MED23: variants seen among roughly 807,000 people sequenced by gnomAD.
The protein encoded by MED23 is mediator of RNA polymerase II transcription subunit 23.
A neutral mutation model predicts 163.9 loss-of-function variants in MED23; 105 were observed. That is an observed-to-expected ratio of 0.64 (90% CI 0.55 to 0.75). The LOEUF (loss-of-function observed/expected upper bound fraction) is 0.75, where lower values mean the gene tolerates loss of function less well. Among genes scored for constraint, MED23 ranks in the 30% least tolerant of loss-of-function variants. The pLI is 0.00. For missense variants in MED23, 1,054 were observed against 1,649.0 expected (o/e 0.64, Z 6.25); for synonymous variants, 561 against 565.6 (o/e 0.99, Z 0.12).
rs746420372 is a variant in MED23 at position 131,590,341 on chromosome 6, C to T, written c.3788G>A (p.Arg1263Lys). Residue 1263 changes from arginine (R) to lysine (K), a missense_variant, in exon 27 of 29, where the codon AGA (arginine) becomes AAA (lysine). Physicochemically the swap from Arg to Lys is conservative, Grantham distance 26. This residue lies in a region of MED23 where 362 missense variants were observed against 471.6 expected (regional missense o/e 0.77). Transcript: ENST00000368068. ...TTTTACCTCTATCATACAACGAGTT[C>T]TCTCTTGCTGAAATCTTTGTAAAAA... ...GPFLQRFQQE[R>K]TRCMIEIGVA... 5.6e-6 allele frequency: 9 copies of T among 1,612,662 alleles called. No individual in the cohort carries two copies. The highest frequency in any genetic ancestry group is 6.8e-6 in the Non-Finnish European group (8 of 1,178,980).
chr6:131,605,481 G>A lies in MED23; in HGVS notation c.1372C>T (p.Leu458=). The A allele has an allele frequency of 1.3e-6, 2 of 1,579,628 alleles. No individual in the cohort carries two copies. Among genetic ancestry groups the A allele is most frequent in the East Asian group, 2.3e-5 (1 of 44,136 alleles). ...CTTTTATTTCTTAGACTCTGCTGCAGGAACCTAAATATTCACGTTCCATTA... is the reference window on the plus strand; with the variant it reads ...CTTTTATTTCTTAGACTCTGCTGCAAGAACCTAAATATTCACGTTCCATTA... ...PHSLRLHHEF[L]QQSLRNKSLQ... The change falls in exon 14 of 29, where the codon CTG becomes TTG. Residue 458 remains leucine (L), a synonymous_variant. Transcript: ENST00000368068.
At chr6:131,623,853 T>C (rs147453607) in intron 4 of MED23, among the ~76,000 whole-genome samples, 46 of 152,338 alleles carry the variant, frequency 3.0e-4, no homozygotes, top group Admixed American at 9.2e-4. Flanking sequence ...TATATCTTTG[T>C]TAGCAGCATC....
chr6:131,594,346 A>G lies in MED23; in HGVS notation c.2996-11T>C, dbSNP rs368610509. 1.9e-6 allele frequency: 3 copies of G among 1,579,592 alleles called. No individual in the cohort carries two copies. The highest frequency in any genetic ancestry group is 2.6e-6 in the Non-Finnish European group (3 of 1,148,550). On this transcript the variant is annotated splice_polypyrimidine_tract_variant and intron_variant, in intron 22 of 28. Transcript: ENST00000368068. Reference sequence around the variant, plus strand: ...AAGTCACTGGACGATCTGCCAAGAAAAAAACATACCACCACAATGTTTAAC... The same window carrying G: ...AAGTCACTGGACGATCTGCCAAGAAGAAAACATACCACCACAATGTTTAAC...
At position 131,598,896 on chromosome 6, in the gene MED23, G is replaced by T; in HGVS notation, c.2221-135C>A. Reference sequence around the variant, plus strand: ...CACCTTGAGCAACTCAGCAATTAAGGCCTGAATTTCTGTGTCTGGAAAATA... The same window carrying T: ...CACCTTGAGCAACTCAGCAATTAAGTCCTGAATTTCTGTGTCTGGAAAATA... On this transcript the variant is annotated intron_variant, in intron 18 of 28. Transcript: ENST00000368068. This position sits in a 1 kb window ranked among gnomAD's most constrained non-coding sequence, Gnocchi z 4.7. 1 of 760,224 alleles carries T rather than the reference G, an allele frequency of 1.3e-6. No individual in the cohort carries two copies. Among genetic ancestry groups the T allele is most frequent in the Non-Finnish European group, 2.3e-6 (1 of 444,130 alleles). The allele number at this position is 760,224 out of a possible 1,614,324, so 47.1% of individuals were successfully genotyped here. A position where few individuals can be genotyped will look rare whatever the true frequency, so the allele number is the denominator to read the frequency against.
At chr6:131,615,232 C>T (rs1156675679) in intron 10 of MED23, 10 of 1,468,290 alleles carry the variant, frequency 6.8e-6, no homozygotes, top group East Asian at 2.3e-5. Flanking sequence ...TTTCAAGCCC[C>T]GACCATACAC....
chr6:131,607,200 G>GA (rs1775916603), intron 12 of MED23, among the ~76,000 whole-genome samples: 3 of 151,354 alleles, frequency 2.0e-5, no homozygotes, highest in African/African-American at 7.3e-5. Flanking sequence ...GTATAACATG[G>GA]TGGGGTTACA....
At chr6:131,581,301 A>C (rs1773911841) in intron 30 of MED23, 2 of 1,613,780 alleles carry the variant, frequency 1.2e-6, no homozygotes, top group African/African-American at 2.7e-5. Flanking sequence ...CACTGATATC[A>C]ACACTCCACT....
chr6:131,588,875 C>T (rs1426080526), intron 28 of MED23, among the ~76,000 whole-genome samples: 1 of 152,156 alleles, frequency 6.6e-6, no homozygotes, highest in Non-Finnish European at 1.5e-5. Flanking sequence ...TACCAGAATT[C>T]ATACACCCTC....
chr6:131,574,912 C>A (rs1231047866), intron 30 of MED23, among the ~76,000 whole-genome samples: 1 of 152,174 alleles, frequency 6.6e-6, no homozygotes, highest in Non-Finnish European at 1.5e-5. Context: ...TAATTCCAGA[C>A]AAGATAATCT....
downstream of MED23, among the ~76,000 whole-genome samples, chr6:131,585,256 G>A (rs767042074): frequency 4.9e-4 from 75 of 152,208 alleles, 1 homozygote; most frequent in Middle Eastern, 3.4e-3. Flanking sequence ...ATCAAAACAA[G>A]GGAAGCAAAG....
At chr6:131,609,970 T>G in intron 11 of MED23, 76 bp downstream of exon 11, 1 of 1,367,382 alleles carries the variant, frequency 7.3e-7, no homozygotes, top group South Asian at 1.2e-5. Context: ...CTAAAATCAC[T>G]AGGGAATGCC....
intron 30 of MED23, among the ~76,000 whole-genome samples, chr6:131,578,069 T>C (rs1261144898): frequency 6.6e-6 from 1 of 151,688 alleles, no homozygotes; most frequent in Non-Finnish European, 1.5e-5. Flanking sequence ...CAGCAGTTCC[T>C]GGGGTTGGGG....
At chr6:131,589,860 T>C (rs1457272186) in intron 27 of MED23, among the ~76,000 whole-genome samples, 4 of 152,224 alleles carry the variant, frequency 2.6e-5, no homozygotes, top group African/African-American at 7.2e-5. Context: ...AATCAAGAGA[T>C]AAACAATCCC....
At chr6:131,600,383 A>G (rs1003091189) in intron 17 of MED23, among the ~76,000 whole-genome samples, 8 of 152,208 alleles carry the variant, frequency 5.3e-5, no homozygotes, top group African/African-American at 1.9e-4. Flanking sequence ...AAAGATGACA[A>G]AAGACATTTG....
At chr6:131,581,276 C>G in intron 30 of MED23, 2 of 1,613,932 alleles carry the variant, frequency 1.2e-6, no homozygotes, top group Non-Finnish European at 1.7e-6. Flanking sequence ...TTGGAGTCAT[C>G]TGGGTGGATG....
At chr6:131,603,914 C>G (rs1379422611) in intron 15 of MED23, among the ~76,000 whole-genome samples, 1 of 152,180 alleles carries the variant, frequency 6.6e-6, no homozygotes, top group African/African-American at 2.4e-5. Flanking sequence ...ATCCCAGGCA[C>G]CTAGCACATT....
chr6:131,593,170 C>G lies in MED23; in HGVS notation c.3234G>C (p.Thr1078=). ...AGGGACCAGGAGATTTGCCAGCCATCGGTGCACACAGTTAAAGCAATAACA... is the reference window on the plus strand; with the variant it reads ...AGGGACCAGGAGATTTGCCAGCCATGGGTGCACACAGTTAAAGCAATAACA... ...YCRLIGRLVD[T]MAGKSPGPFP... is the part of the protein sequence containing the mutation. Residue 1078 remains threonine, a splice_region_variant and synonymous_variant, in exon 24 of 29, where the codon ACG becomes ACC. Transcript: ENST00000368068. 1 of 1,614,092 alleles carries G rather than the reference C, an allele frequency of 6.2e-7. No individual in the cohort carries two copies. The highest frequency in any genetic ancestry group is 1.1e-5 in the South Asian group (1 of 91,082).
intron 13 of MED23, 26 bp from the exon 14 acceptor site, chr6:131,605,511 GA>G (rs1233860553): frequency 2.4e-5 from 37 of 1,528,976 alleles, no homozygotes; most frequent in Non-Finnish European, 3.2e-5. Flanking sequence ...CCATTAAAAA[GA>G]AAAAATGAAA....
Position 131,628,011 on chromosome 6 carries a change from C to G in MED23, c.39G>C (p.Val13=), listed in dbSNP as rs759605085. The change falls in exon 1 of 29, where the codon GTG becomes GTC. Residue 13 remains valine (V), a splice_region_variant and synonymous_variant. Coordinates refer to ENST00000368068, the MANE Select transcript of MED23 (RefSeq NM_004830.4). ...CTGGATGGCCGGCAGCTGCACTCAC[C>G]ACCACCTCTTCGAAAATGCTCTGCA... ...TQLQSIFEEV[V]KTEVIEEAFP... is the part of the protein sequence containing the mutation. 1 of 1,614,050 alleles carries G rather than the reference C, an allele frequency of 6.2e-7. No individual in the cohort carries two copies. The highest frequency in any genetic ancestry group is 8.5e-7 in the Non-Finnish European group (1 of 1,180,040).
Sources: allele counts gnomAD v4.1 joint callset (sites outside exome capture counted in the v4.1 genomes callset), GRCh38; gene constraint gnomAD v4.1.1; regional missense constraint gnomAD v4.1.1; non-coding constraint Gnocchi (gnomAD v3.1); transcripts MANE v1.5; gene names NCBI Gene and HGNC (gene_info 2026-07-23, HGNC 2026-07-21).